The following APC variants were observed in gnomAD, a reference collection of about 807,000 sequenced individuals.
The protein encoded by APC is adenomatous polyposis coli protein.
A neutral mutation model predicts 247.0 loss-of-function variants in APC; 72 were observed. The ratio of observed to expected loss-of-function variants is 0.29; its 90% confidence interval spans 0.24 to 0.35. The LOEUF (loss-of-function observed/expected upper bound fraction) is 0.35. Ranked by LOEUF, APC falls within the 10% of genes least tolerant of loss-of-function variation. The pLI, the probability that APC is intolerant of heterozygous loss-of-function variation, is 1.00. For synonymous variants in APC, 1,254 were observed against 1,162.5 expected, an observed-to-expected ratio of 1.08 and a Z score of -1.60; for missense variants, 3,400 against 3,360.7, an observed-to-expected ratio of 1.01 and a Z score of -0.29.
intron 9 of APC, among the ~76,000 whole-genome samples, chr5:112,818,728 G>A (rs1355210135): frequency 6.6e-6 from 1 of 150,620 alleles, no homozygotes; most frequent in African/African-American, 2.4e-5. Context: ...TTTTAATACT[G>A]TATATTACCA....
At chr5:112,772,183 A>G (rs1210913415) in intron 4 of APC, among the ~76,000 whole-genome samples, 1 of 152,174 alleles carries the variant, frequency 6.6e-6, no homozygotes, top group East Asian at 1.9e-4. Context: ...TTTATGTGAA[A>G]AAGCATTTTT....
chr5:112,845,844 T>C lies in APC; in HGVS notation c.*1718T>C, dbSNP rs926857426. The stretch of plus-strand genomic sequence containing the variant: ...TGTTGAATAAATGAAAATTTATTTT[T>C]AGTGATAAGATTCATACACTCTGTA... On this transcript the variant is annotated 3_prime_UTR_variant, in exon 16 of 16. Coordinates refer to ENST00000257430, the MANE Select transcript of APC (RefSeq NM_000038.6). 4.3e-6 allele frequency: 1 copy of C among 232,368 alleles called. No homozygotes were observed. The highest frequency in any genetic ancestry group is 8.5e-6 in the Non-Finnish European group (1 of 117,512). 14.4% of individuals were successfully genotyped at this position (232,368 alleles called of 1,614,324 possible).
chr5:112,828,592 C>T (rs551998810), intron 13 of APC, among the ~76,000 whole-genome samples: 51 of 151,798 alleles, frequency 3.4e-4, no homozygotes, highest in Admixed American at 1.2e-3. Context: ...CTACTGCAGG[C>T]GCATGCCACC....
chr5:112,813,278 G>C (rs1468035491), intron 8 of APC, among the ~76,000 whole-genome samples: 1 of 152,146 alleles, frequency 6.6e-6, no homozygotes, highest in Non-Finnish European at 1.5e-5. Flanking sequence ...ATCTAAAATA[G>C]CTAATTATTG....
intron 1 of APC, among the ~76,000 whole-genome samples, chr5:112,729,975 C>T (rs570161474): frequency 1.1e-4 from 17 of 152,268 alleles, no homozygotes; most frequent in Middle Eastern, 3.4e-3. Flanking sequence ...CTTGGCATTA[C>T]CTCTTATTTG....
At position 112,787,930 on chromosome 5, in the gene APC, A is replaced by G. The variant is rs756786151; in HGVS notation, c.646-4516A>G. On this transcript the variant is annotated intron_variant, in intron 6 of 15. Transcript: ENST00000257430. ...TAACTTATATGTATATTACTTATAT[A>G]TGTGTGTATGTGTATTATACATGCA... 9.2e-4 allele frequency among the ~76,000 whole-genome samples: 140 copies of G among 152,104 alleles called. 1 individual carries two copies. The highest frequency in any genetic ancestry group is 3.1e-4 in the Non-Finnish European group (21 of 68,002).
intron 4 of APC, among the ~76,000 whole-genome samples, chr5:112,772,950 G>T (rs991761145): frequency 6.6e-6 from 1 of 152,170 alleles, no homozygotes; most frequent in African/African-American, 2.4e-5. Context: ...CTGAAAAATA[G>T]AATTAAATCT....
intron 1 of APC, among the ~76,000 whole-genome samples, chr5:112,713,969 T>A (rs1353493503): frequency 6.6e-6 from 1 of 152,340 alleles, no homozygotes; most frequent in Non-Finnish European, 1.5e-5. Flanking sequence ...ATACGTAAGA[T>A]TTTGACTGAA....
intron 14 of APC, among the ~76,000 whole-genome samples, chr5:112,831,091 A>G (rs1764245881): frequency 6.6e-6 from 1 of 152,010 alleles, no homozygotes; most frequent in African/African-American, 2.4e-5. Context: ...ATTCTCTCTC[A>G]AGGACCTAAA....
rs188117900 is a variant in APC, at chr5:112,833,374, G to T, written c.1744-1577G>T. On this transcript the variant is annotated intron_variant, in intron 14 of 15. Transcript: ENST00000257430. ...ATTTTTTGTATTTTAGTAGAGACAG[G>T]GTTTCACCATGTTGATCAGGATGGT... Among the ~76,000 whole-genome samples, 23 of 152,034 alleles carry T rather than the reference G, an allele frequency of 1.5e-4. No individual in the cohort carries two copies. In the East Asian group the frequency reaches 4.4e-3, roughly 29 times the overall value.
intron 8 of APC, among the ~76,000 whole-genome samples, chr5:112,805,909 C>T (rs1761329267): frequency 6.6e-6 from 1 of 152,164 alleles, no homozygotes; most frequent in South Asian, 2.1e-4. Flanking sequence ...CATTGGCTTC[C>T]CTTGATTCTT....
chr5:112,742,541 G>A (rs924481438), intron 1 of APC, among the ~76,000 whole-genome samples: 2 of 152,134 alleles, frequency 1.3e-5, no homozygotes, highest in African/African-American at 4.8e-5. Context: ...CTAGACTGAC[G>A]GATCTTCTTC....
chr5:112,815,648 A>C, intron 9 of APC, 55 bp downstream of exon 9: 3 of 1,431,372 alleles, frequency 2.1e-6, no homozygotes, highest in Non-Finnish European at 2.9e-6. Context: ...TTGCTAAGAC[A>C]TTCTTGGCCA....
In APC at chr5:112,840,976, C is replaced by T. The variant is rs566370229; in HGVS notation, c.5382C>T (p.Asp1794=). The change falls in exon 16 of 16, where the codon GAC becomes GAT. Residue 1794 remains aspartate (D), a synonymous_variant. Coordinates refer to ENST00000257430, the MANE Select transcript of APC (RefSeq NM_000038.6). This position sits in a 1 kb window ranked among gnomAD's most constrained non-coding sequence, Gnocchi z 4.1. ...GGACACGTGTAAGAAAAAATGCAGACTCAAAAAATAATTTAAATGCTGAGA... is the reference window on the plus strand; with the variant it reads ...GGACACGTGTAAGAAAAAATGCAGATTCAAAAAATAATTTAAATGCTGAGA... ...EYRTRVRKNA[D]SKNNLNAERV... 17 of 1,612,544 alleles carry T rather than the reference C, an allele frequency of 1.1e-5. No individual in the cohort carries two copies. In the South Asian group the frequency reaches 1.9e-4, roughly 18 times the overall value.
intron 1 of APC, among the ~76,000 whole-genome samples, chr5:112,732,488 T>G (rs1752147745): frequency 6.6e-6 from 1 of 152,226 alleles, no homozygotes; most frequent in African/African-American, 2.4e-5. Flanking sequence ...ATATTCCGTT[T>G]CCTCAGTAGA....
chr5:112,734,974 AT>A (rs973295596), upstream of APC, among the ~76,000 whole-genome samples: 76 of 150,082 alleles, frequency 5.1e-4, no homozygotes, highest in Admixed American at 1.0e-3. Flanking sequence ...CTATTTAGTC[AT>A]TTTTTTTTGT....
At chr5:112,714,194 G>C (rs140540812) in intron 1 of APC, among the ~76,000 whole-genome samples, 20 of 152,228 alleles carry the variant, frequency 1.3e-4, no homozygotes, top group Non-Finnish European at 2.9e-4. Context: ...ATACTATATG[G>C]GGACATTTTT....
chr5:112,744,751 AG>A (rs1753450519), intron 1 of APC, among the ~76,000 whole-genome samples: 1 of 152,214 alleles, frequency 6.6e-6, no homozygotes, highest in Non-Finnish European at 1.5e-5. Flanking sequence ...TACTTGAGGA[AG>A]GTTATCTTGG....
Position 112,843,829 on chromosome 5 carries a change from T to C in APC, c.8235T>C (p.Pro2745=), listed in dbSNP as rs786201446. The C allele has an allele frequency of 6.2e-7, 1 of 1,614,094 alleles. No individual in the cohort carries two copies. Among genetic ancestry groups the C allele is most frequent in the African/African-American group, 1.3e-5 (1 of 75,044 alleles). Residue 2745 remains proline, a synonymous_variant, in exon 16 of 16, where the codon CCT becomes CCC. Transcript: ENST00000257430. The surrounding 1 kb of genome is among the most constrained non-coding windows in gnomAD (Gnocchi z 4.8). ...GTEIKPGQNN[P]VPVSETNESS... is the part of the protein sequence containing the mutation. ...AGATAAAACCAGGACAAAATAATCCTGTCCCTGTATCAGAGACTAATGAAA... is the reference window on the plus strand; with the variant it reads ...AGATAAAACCAGGACAAAATAATCCCGTCCCTGTATCAGAGACTAATGAAA...
Sources: allele counts gnomAD v4.1 joint callset (sites outside exome capture counted in the v4.1 genomes callset), GRCh38; gene constraint gnomAD v4.1.1; non-coding constraint Gnocchi (gnomAD v3.1); transcripts MANE v1.5; gene names NCBI Gene and HGNC (gene_info 2026-07-23, HGNC 2026-07-21).